LRP6: variants seen among roughly 807,000 people sequenced by gnomAD.
The protein encoded by LRP6 is LDL receptor related protein 6.
LRP6 carries 43 observed loss-of-function variants against 184.1 expected under a neutral mutation model. The ratio of observed to expected loss-of-function variants is 0.23; its 90% confidence interval spans 0.18 to 0.30. The LOEUF (loss-of-function observed/expected upper bound fraction) is 0.30. Among genes scored for constraint, LRP6 ranks in the 10% least tolerant of loss-of-function variants. LRP6 has a pLI of 1.00. For missense variants in LRP6, 1,571 were observed against 2,005.3 expected (o/e 0.78, Z 4.14); for synonymous variants, 719 against 684.9 (o/e 1.05, Z -0.78).
At chr12:12,264,854 T>C (rs1865716511) in intron 1 of LRP6, among the ~76,000 whole-genome samples, 2 of 152,240 alleles carry the variant, frequency 1.3e-5, no homozygotes, top group African/African-American at 4.8e-5. Context: ...AGAGCTCCAC[T>C]TCTGAAAACT....
At chr12:12,248,308 A>G (rs1197653066) in intron 1 of LRP6, among the ~76,000 whole-genome samples, 1 of 152,078 alleles carries the variant, frequency 6.6e-6, no homozygotes, top group East Asian at 1.9e-4. Flanking sequence ...AATAATAATT[A>G]TATTTCTACT....
chr12:12,206,823 A>T (rs191750357), intron 2 of LRP6, among the ~76,000 whole-genome samples: 1 of 152,116 alleles, frequency 6.6e-6, no homozygotes, highest in Admixed American at 6.5e-5. Flanking sequence ...GGGAGAAAAA[A>T]ATGCCTGCGG....
chr12:12,266,161 T>G (rs1865752881), intron 1 of LRP6, among the ~76,000 whole-genome samples: 1 of 152,022 alleles, frequency 6.6e-6, no homozygotes, highest in African/African-American at 2.4e-5. Flanking sequence ...GGTCATTATA[T>G]CCCAAACGGA....
At chr12:12,220,941 C>T (rs1864471076) in intron 2 of LRP6, among the ~76,000 whole-genome samples, 1 of 152,164 alleles carries the variant, frequency 6.6e-6, no homozygotes. Flanking sequence ...CAAAGCATCA[C>T]TTTAAAGTTC....
intron 2 of LRP6, among the ~76,000 whole-genome samples, chr12:12,223,143 C>T (rs1672504463): frequency 1.4e-5 from 2 of 144,464 alleles, no homozygotes; most frequent in South Asian, 4.6e-4. Context: ...AAATACCTCC[C>T]TAATTATTTC....
chr12:12,181,091 G>A lies in LRP6; in HGVS notation c.1325C>T (p.Ser442Leu), dbSNP rs1229277789. 1.9e-6 allele frequency: 3 copies of A among 1,613,956 alleles called. No individual in the cohort carries two copies. The highest frequency in any genetic ancestry group is 1.7e-5 in the Admixed American group (1 of 59,994). ...AGCCCGGGGTTCCTCTAAGTCCTCT[G>A]AAATCAAGATCTTCCTCATGGTCCC... ...LNGTMRKILISEDLEEPRAIV... is the reference protein window; with the variant it reads ...LNGTMRKILILEDLEEPRAIV... Residue 442 changes from serine (S) to leucine (L), a missense_variant, in exon 6 of 23, where the codon TCA becomes TTA. Ser to Leu is a moderately radical substitution (Grantham distance 145). Around this residue, in one of 4 missense-constraint regions of LRP6, gnomAD observed 640 missense variants for 851.9 expected, o/e 0.75. Coordinates refer to ENST00000261349, the MANE Select transcript of LRP6 (RefSeq NM_002336.3).
intron 1 of LRP6, among the ~76,000 whole-genome samples, chr12:12,262,048 G>A (rs1865629145): frequency 6.6e-6 from 1 of 151,996 alleles, no homozygotes; most frequent in Non-Finnish European, 1.5e-5. Context: ...TTCGAGACCA[G>A]CCTGACCAAT....
rs1202176045 is a variant in LRP6 at position 12,162,290 on chromosome 12, G to A, written c.2182C>T (p.Arg728Ter). Residue 728 changes from arginine (R) to a stop codon, truncating the protein, a stop_gained, in exon 10 of 23, where the codon CGA becomes TGA. Coordinates refer to ENST00000261349, the MANE Select transcript of LRP6 (RefSeq NM_002336.3). LOFTEE classifies it high-confidence loss of function. ...CCATCCAACTTTGACACCTCAATTC[G>A]ATTCGTTCCTGTGTCTGCCCAGTAC... ...NLYWADTGTN[R>*]IEVSKLDGQH... The A allele has an allele frequency of 1.2e-6, 2 of 1,614,110 alleles. No individual in the cohort carries two copies. The highest frequency in any genetic ancestry group is 1.7e-6 in the Non-Finnish European group (2 of 1,179,992).
intron 2 of LRP6, among the ~76,000 whole-genome samples, chr12:12,231,641 T>C (rs1864791125): frequency 6.6e-6 from 1 of 152,074 alleles, no homozygotes; most frequent in Non-Finnish European, 1.5e-5. Flanking sequence ...CAGTGGCTCA[T>C]GCCTGTAGTC....
chr12:12,139,989 G>C (rs146737075), intron 15 of LRP6, among the ~76,000 whole-genome samples: 1 of 152,270 alleles, frequency 6.6e-6, no homozygotes, highest in African/African-American at 2.4e-5. Flanking sequence ...GGCTGGGGCT[G>C]AAAGAGGAGT....
rs201507137 is a variant in LRP6 at position 12,201,573 on chromosome 12, G to C, written c.647+1630C>G. 1.6e-4 allele frequency among the ~76,000 whole-genome samples: 25 copies of C among 152,212 alleles called. No homozygotes were observed. In the East Asian group the frequency reaches 4.4e-3, roughly 27 times the overall value. ...TAGACAGTGATAACATGGAGGTCTT[G>C]TGGCTGTTGGTGGTTTGCCCTTATC... On this transcript the variant is annotated intron_variant, in intron 3 of 22. Transcript: ENST00000261349.
chr12:12,149,191 A>G, intron 13 of LRP6, 38 bp from the exon 14 acceptor site: 1 of 1,532,530 alleles, frequency 6.5e-7, no homozygotes, highest in Non-Finnish European at 9.0e-7. Context: ...ATTAAACTCC[A>G]GGGGCAGATA....
At chr12:12,151,503 A>ATTT (rs1950080090) in intron 12 of LRP6, among the ~76,000 whole-genome samples, 1 of 151,332 alleles carries the variant, frequency 6.6e-6, no homozygotes, top group South Asian at 2.1e-4. Context: ...AAGAAGGCTG[A>ATTT]TTTTTAGTCT....
At chr12:12,173,720 A>C (rs10772537) in intron 7 of LRP6, among the ~76,000 whole-genome samples, 64,831 of 151,690 alleles carry the variant, frequency 0.43, 15,369 homozygotes, top group East Asian at 0.74. Context: ...CAAGGGATCC[A>C]GGGATCCTCC....
At chr12:12,187,160 TTTC>T (rs766917228) in intron 3 of LRP6, 41 bp from the exon 4 acceptor site, 68 of 1,555,472 alleles carry the variant, frequency 4.4e-5, no homozygotes, top group Non-Finnish European at 5.1e-5. Flanking sequence ...ATTTCTAAAT[TTTC>T]TTCTTCTATC....
Position 12,147,426 on chromosome 12 carries a change from G to T in LRP6, c.3337C>A (p.Leu1113Met). ...GAATCAGCCCAAAAGAGCTTGCCCA[G>T]CCTGCTATCAAGGGCTAAAGCAATT... The part of the protein sequence containing the change: ...KPIALALDSR[L>M]GKLFWADSDL... The change falls in exon 15 of 23, where the codon CTG (leucine) becomes ATG (methionine). Residue 1113 changes from leucine (L) to methionine (M), a missense_variant. Around this residue, in one of 4 missense-constraint regions of LRP6, gnomAD observed 763 missense variants for 859.5 expected, o/e 0.89. Coordinates refer to ENST00000261349, the MANE Select transcript of LRP6 (RefSeq NM_002336.3). The T allele has an allele frequency of 6.2e-7, 1 of 1,614,022 alleles. No homozygotes were observed. Among genetic ancestry groups the T allele is most frequent in the Non-Finnish European group, 8.5e-7 (1 of 1,180,036 alleles).
At chr12:12,227,096 T>C (rs906001815) in intron 2 of LRP6, among the ~76,000 whole-genome samples, 1 of 152,070 alleles carries the variant, frequency 6.6e-6, no homozygotes, top group Admixed American at 6.5e-5. Context: ...CTTATCCTCA[T>C]AAACCATACA....
At chr12:12,215,240 T>C (rs1357921921) in intron 2 of LRP6, among the ~76,000 whole-genome samples, 2 of 152,076 alleles carry the variant, frequency 1.3e-5, no homozygotes, top group Admixed American at 6.5e-5. Context: ...AAGGAAAAGT[T>C]TGAGGAGGGA....
At chr12:12,192,747 C>T (rs928125910) in intron 3 of LRP6, among the ~76,000 whole-genome samples, 7 of 151,794 alleles carry the variant, frequency 4.6e-5, no homozygotes, top group Non-Finnish European at 8.8e-5. Context: ...TGAAGCAAAA[C>T]CTGACAGAAA....
Sources: gnomAD v4.1 joint callset for allele counts (sites outside exome capture counted in the v4.1 genomes callset) on GRCh38, gnomAD v4.1.1 for gene constraint, gnomAD v4.1.1 regional missense constraint, MANE v1.5 for transcripts, NCBI Gene and HGNC (gene_info 2026-07-23, HGNC 2026-07-21) for gene names.